The following SEMA4D variants were observed in gnomAD, a reference collection of about 807,000 sequenced individuals.
SEMA4D encodes semaphorin-4D.
In SEMA4D, 22 loss-of-function variants were observed where a neutral mutation model predicts 74.8. The ratio of observed to expected loss-of-function variants is 0.29; its 90% CI spans 0.21 to 0.42. The LOEUF (loss-of-function observed/expected upper bound fraction) is 0.42, where lower values mean the gene tolerates loss of function less well. Ranked by LOEUF, SEMA4D falls within the 10% of genes least tolerant of loss-of-function variation. The probability of loss-of-function intolerance (pLI) is 1.00; values close to 1 mark genes in which losing one functional copy is unlikely to be tolerated. For missense variants in SEMA4D, 937 were observed against 1,118.4 expected, an observed-to-expected ratio of 0.84 and a Z score of 2.31; for synonymous variants, 445 against 463.7, an observed-to-expected ratio of 0.96 and a Z score of 0.52.
At chr9:89,429,190 C>G (rs572794542) in intron 2 of SEMA4D, among the ~76,000 whole-genome samples, 2 of 152,334 alleles carry the variant, frequency 1.3e-5, no homozygotes, top group East Asian at 3.9e-4. Context: ...ACCTCCCTGC[C>G]CAGTCAGCCC....
chr9:89,382,196 T>A (rs548466602), intron 13 of SEMA4D, among the ~76,000 whole-genome samples: 1 of 152,064 alleles, frequency 6.6e-6, no homozygotes, highest in Admixed American at 6.5e-5. Context: ...GGAAGGAGGG[T>A]GCCCCACATG....
intron 2 of SEMA4D, chr9:89,418,493 T>A: frequency 1.1e-6 from 1 of 871,914 alleles, no homozygotes; most frequent in Non-Finnish European, 1.4e-6. Flanking sequence ...ATGTATCCTT[T>A]AAAATTCATC....
At chr9:89,393,467 A>C in intron 7 of SEMA4D, 95 bp downstream of exon 7, 1 of 1,034,094 alleles carries the variant, frequency 9.7e-7, no homozygotes, top group Non-Finnish European at 1.5e-6. Flanking sequence ...AAAGCCAAGG[A>C]AGACAGCACT....
chr9:89,480,655 G>A (rs1201147099), intron 1 of SEMA4D, among the ~76,000 whole-genome samples: 1 of 152,230 alleles, frequency 6.6e-6, no homozygotes, highest in African/African-American at 2.4e-5. Flanking sequence ...GCAGCCACTG[G>A]CCCGGGTGCT....
chr9:89,491,568 C>CAAA lies in SEMA4D; in HGVS notation c.-310+6348_-310+6350dup, dbSNP rs1432498228. 6.4e-5 allele frequency among the ~76,000 whole-genome samples: 9 copies of CAAA among 139,998 alleles called. No individual in the cohort carries two copies. In the East Asian group the frequency reaches 1.9e-3, roughly 30 times the overall value. 91.8% of individuals were successfully genotyped at this position (139,998 alleles called of 152,430 possible). A position where few individuals can be genotyped will look rare whatever the true frequency, so the allele number is the denominator to read the frequency against. On this transcript the variant is annotated intron_variant, in intron 1 of 15. Coordinates refer to ENST00000422704, the MANE Select transcript of SEMA4D (RefSeq NM_001371194.2). Reference sequence around the variant, plus strand: ...CTGGCGACAGAGCAAGACTCTGTCTCAAAAACAACAACAACAACAACAACA... The same window carrying CAAA: ...CTGGCGACAGAGCAAGACTCTGTCTCAAAAAAAACAACAACAACAACAACAACA...
chr9:89,484,860 A>G lies in SEMA4D; in HGVS notation c.-310+13059T>C, dbSNP rs1431358995. Among the ~76,000 whole-genome samples the G allele has an allele frequency of 7.4e-6, 1 of 134,318 alleles. No individual in the cohort carries two copies. The highest frequency in any genetic ancestry group is 2.3e-4 in the East Asian group (1 of 4,434). 88.1% of individuals were successfully genotyped at this position (134,318 alleles called of 152,430 possible). A position where few individuals can be genotyped will look rare whatever the true frequency, so the allele number is the denominator to read the frequency against. ...TGTGGTGTGTGTGTAATGTGTGTATACTGGGTGTTTGTGGTGTGGGGGGTA... is the reference window on the plus strand; with the variant it reads ...TGTGGTGTGTGTGTAATGTGTGTATGCTGGGTGTTTGTGGTGTGGGGGGTA... On this transcript the variant is annotated intron_variant, in intron 1 of 15. Transcript: ENST00000422704. This position sits in a 1 kb window ranked among gnomAD's most constrained non-coding sequence, Gnocchi z 4.1.
At chr9:89,443,424 G>A (rs1413279692) in intron 2 of SEMA4D, among the ~76,000 whole-genome samples, 1 of 152,228 alleles carries the variant, frequency 6.6e-6, no homozygotes, top group African/African-American at 2.4e-5. Flanking sequence ...CGAAGCGGGT[G>A]TACCACGGTC....
intron 2 of SEMA4D, among the ~76,000 whole-genome samples, chr9:89,440,507 C>T (rs1449975612): frequency 3.3e-5 from 5 of 152,142 alleles, no homozygotes; most frequent in Admixed American, 6.5e-5. Context: ...CCCTACCCTC[C>T]GCTTGCCCTC....
At chr9:89,461,248 T>C (rs920472814) in intron 1 of SEMA4D, among the ~76,000 whole-genome samples, 16 of 152,158 alleles carry the variant, frequency 1.1e-4, no homozygotes, top group Non-Finnish European at 2.9e-5. Flanking sequence ...ATGACTTTTC[T>C]AGCAAGCAGC....
At chr9:89,363,936 G>A (rs753815511) in exon 17 of SEMA4D, 42 of 1,613,962 alleles carry the variant, frequency 2.6e-5, no homozygotes, top group Middle Eastern at 1.6e-4. Flanking sequence ...CAGACAAAGC[G>A]AATGTCTGCA....
intron 16 of SEMA4D, chr9:89,364,117 G>A: frequency 7.1e-7 from 1 of 1,418,374 alleles, no homozygotes. Flanking sequence ...CTTCCCCATG[G>A]CCAGCGGGAG....
At chr9:89,396,166 G>A (rs1218362864) in intron 6 of SEMA4D, among the ~76,000 whole-genome samples, 4 of 152,180 alleles carry the variant, frequency 2.6e-5, no homozygotes, top group Non-Finnish European at 5.9e-5. Flanking sequence ...TGCTGCCCCT[G>A]AGTGGGTGGA....
chr9:89,376,134 T>C (rs1018107869), downstream of SEMA4D, among the ~76,000 whole-genome samples: 1 of 152,230 alleles, frequency 6.6e-6, no homozygotes, highest in African/African-American at 2.4e-5. Flanking sequence ...CTTTTCCGCT[T>C]TTAAATACCA....
chr9:89,364,193 AC>A (rs1833216252), intron 16 of SEMA4D: 2 of 727,490 alleles, frequency 2.7e-6, no homozygotes, highest in Admixed American at 3.0e-5. Flanking sequence ...TTCAAAGCAC[AC>A]CTGTGTGGCC....
chr9:89,385,967 T>C (rs1346211831), intron 13 of SEMA4D: 1 of 978,070 alleles, frequency 1.0e-6, no homozygotes, highest in Non-Finnish European at 1.2e-6. Context: ...GACGAACCAC[T>C]TCTCTTGTGG....
chr9:89,456,269 C>T (rs1412735559), intron 1 of SEMA4D, among the ~76,000 whole-genome samples: 2 of 152,246 alleles, frequency 1.3e-5, no homozygotes, highest in Non-Finnish European at 2.9e-5. Flanking sequence ...GAGAGCCTCT[C>T]CTTGGCTCAG....
chr9:89,443,839 G>A (rs939055796), intron 2 of SEMA4D, among the ~76,000 whole-genome samples: 1 of 152,236 alleles, frequency 6.6e-6, no homozygotes, highest in African/African-American at 2.4e-5. Flanking sequence ...CACAGAAGAT[G>A]GGGCACAGAG....
intron 2 of SEMA4D, among the ~76,000 whole-genome samples, chr9:89,444,858 G>A (rs953764559): frequency 2.0e-5 from 3 of 151,934 alleles, no homozygotes; most frequent in Non-Finnish European, 4.4e-5. Context: ...AAAAGAATTA[G>A]GAATAAACGT....
chr9:89,406,122 C>T (rs994974336), intron 2 of SEMA4D, among the ~76,000 whole-genome samples: 1 of 152,146 alleles, frequency 6.6e-6, no homozygotes, highest in Non-Finnish European at 1.5e-5. Flanking sequence ...AGCGAGGAAA[C>T]GGCCAGAAAA....
Sources: gnomAD v4.1 joint callset for allele counts (sites outside exome capture counted in the v4.1 genomes callset) on GRCh38, gnomAD v4.1.1 for gene constraint, Gnocchi (gnomAD v3.1) non-coding constraint, MANE v1.5 for transcripts, NCBI Gene and HGNC (gene_info 2026-07-23, HGNC 2026-07-21) for gene names.